IL1R1: variants seen among roughly 807,000 people sequenced by gnomAD.
IL1R1 encodes interleukin-1 receptor type 1.
Under a neutral mutation model 50.2 loss-of-function variants are expected in IL1R1, and 22 were observed. The observed-to-expected ratio is 0.44, with a 90% CI of 0.31 to 0.63. The LOEUF is 0.63. IL1R1 is among the 20% of genes least tolerant of loss of function. IL1R1 has a pLI of 0.07. For synonymous variants in IL1R1, 251 were observed against 236.7 expected (o/e 1.06, Z -0.55); for missense variants, 509 against 676.2 (o/e 0.75, Z 2.74).
At chr2:102,156,565 G>A (rs1221192436) in intron 2 of IL1R1, among the ~76,000 whole-genome samples, 1 of 151,038 alleles carries the variant, frequency 6.6e-6, no homozygotes, top group Non-Finnish European at 1.5e-5. Flanking sequence ...AGGCTGGAGT[G>A]CAGTGGCACC....
chr2:102,140,629 C>T (rs1003946402), upstream of IL1R1, among the ~76,000 whole-genome samples: 1 of 152,150 alleles, frequency 6.6e-6, no homozygotes, highest in Non-Finnish European at 1.5e-5. Context: ...TTTTGTGGTG[C>T]TGAGACCAGA....
At chr2:102,166,013 A>G in intron 5 of IL1R1, 100 bp from the exon 6 acceptor site, 3 of 989,310 alleles carry the variant, frequency 3.0e-6, no homozygotes, top group Non-Finnish European at 4.5e-6. Context: ...TTCTAAAAAT[A>G]TAACATTTGC....
In IL1R1 at chr2:102,158,677, G is replaced by C. The variant is rs945429946; in HGVS notation, c.61+892G>C. ...AGGCTGTCTGGGTAATGGGGGGATG[G>C]CAGAGGGTTGATTATATGGAATGTT... On this transcript the variant is annotated intron_variant, in intron 3 of 11. Transcript: ENST00000410023. Among the ~76,000 whole-genome samples, 9 of 152,206 alleles carry C rather than the reference G, an allele frequency of 5.9e-5. No individual in the cohort carries two copies. In the South Asian group the frequency reaches 6.2e-4, roughly 10 times the overall value.
In IL1R1 at chr2:102,105,132, A is replaced by T. The variant is rs548607088; in HGVS notation, c.-84+260A>T. Among the ~76,000 whole-genome samples, 15 of 152,348 alleles carry T rather than the reference A, an allele frequency of 9.8e-5. No individual in the cohort carries two copies. In the South Asian group the frequency reaches 3.1e-3, roughly 32 times the overall value. On this transcript the variant is annotated intron_variant, in intron 1 of 10. Transcript: ENST00000409329. ...TTATCTATGGAAGATTAACTATGAA[A>T]CATATGGGAAATATACTTTATAACT...
At chr2:102,110,728 C>CT (rs1680708790) in intron 1 of IL1R1, among the ~76,000 whole-genome samples, 1 of 151,882 alleles carries the variant, frequency 6.6e-6, no homozygotes, top group African/African-American at 2.4e-5. Flanking sequence ...GCGATCACAA[C>CT]GTTTTTCATT....
intron 1 of IL1R1, among the ~76,000 whole-genome samples, chr2:102,091,311 A>T (rs1289520601): frequency 2.0e-5 from 3 of 152,168 alleles, no homozygotes; most frequent in African/African-American, 7.2e-5. Flanking sequence ...GAGTGTATGT[A>T]CTTGACAAAC....
chr2:102,081,352 T>G (rs1679200536), intron 1 of IL1R1, among the ~76,000 whole-genome samples: 1 of 152,150 alleles, frequency 6.6e-6, no homozygotes, highest in African/African-American at 2.4e-5. Flanking sequence ...ATGGAAGAGT[T>G]TGAACCACAC....
chr2:102,102,854 T>A (rs1680202647), upstream of IL1R1, among the ~76,000 whole-genome samples: 3 of 152,272 alleles, frequency 2.0e-5, no homozygotes, highest in South Asian at 6.2e-4. Context: ...TGCAGCAACA[T>A]GGATACAACT....
chr2:102,111,345 T>C (rs772828491), intron 1 of IL1R1, among the ~76,000 whole-genome samples: 3 of 152,150 alleles, frequency 2.0e-5, no homozygotes, highest in Non-Finnish European at 4.4e-5. Flanking sequence ...CTGCTGCACA[T>C]AGGGCTGGCG....
intron 1 of IL1R1, among the ~76,000 whole-genome samples, chr2:102,080,840 C>T (rs1679173878): frequency 1.3e-5 from 2 of 152,084 alleles, no homozygotes; most frequent in African/African-American, 4.8e-5. Flanking sequence ...TAACAATATG[C>T]AGTATATCCA....
At chr2:102,101,270 A>G (rs1283026521), upstream of IL1R1, among the ~76,000 whole-genome samples, 1 of 152,224 alleles carries the variant, frequency 6.6e-6, no homozygotes, top group African/African-American at 2.4e-5. Flanking sequence ...TCAGATGTAG[A>G]AACTGAGATC....
intron 8 of IL1R1, 27 bp from the exon 9 acceptor site, chr2:102,172,660 A>G (rs753609880): frequency 1.3e-6 from 2 of 1,570,042 alleles, no homozygotes; most frequent in Non-Finnish European, 1.7e-6. Flanking sequence ...AACTTACACA[A>G]GTTTATTTAC....
Sources: gnomAD v4.1 joint callset for allele counts (sites outside exome capture counted in the v4.1 genomes callset) on GRCh38, gnomAD v4.1.1 for gene constraint, MANE v1.5 for transcripts, NCBI Gene and HGNC (gene_info 2026-07-23, HGNC 2026-07-21) for gene names.